Variants in TLK1 observed in about 807,000 individuals in gnomAD.
TLK1 encodes tousled like kinase 1.
In TLK1, 24 loss-of-function variants were observed where a neutral mutation model predicts 105.3. That is an observed-to-expected ratio of 0.23 (90% CI 0.17 to 0.32). TLK1 has a LOEUF of 0.32. Ranked by LOEUF, TLK1 falls within the 10% of genes least tolerant of loss-of-function variation. The probability of loss-of-function intolerance (pLI) is 1.00; values close to 1 mark genes in which losing one functional copy is unlikely to be tolerated. For synonymous variants in TLK1, 321 were observed against 310.4 expected (o/e 1.03, Z -0.36); for missense variants, 558 against 910.5 (o/e 0.61, Z 4.98).
At chr2:171,045,484 G>T in intron 11 of TLK1, 1 of 140,780 alleles carries the variant, frequency 7.1e-6, no homozygotes. Context: ...CAAAGTGCTG[G>T]GATTACAGGC....
intron 2 of TLK1, among the ~76,000 whole-genome samples, chr2:171,106,709 GCTA>G (rs138718687): frequency 0.032 from 4,854 of 152,208 alleles, 98 homozygotes; most frequent in Middle Eastern, 0.055. Context: ...AACTCTTGAT[GCTA>G]CTATCATTAA....
chr2:171,155,902 T>C (rs1193216944), intron 1 of TLK1: 1 of 152,148 alleles, frequency 6.6e-6, no homozygotes, highest in African/African-American at 2.4e-5. Flanking sequence ...TCCCTCCTAT[T>C]TATTAAAATT....
intron 3 of TLK1, among the ~76,000 whole-genome samples, chr2:171,076,871 G>A (rs1295285232): frequency 7.2e-5 from 11 of 151,852 alleles, no homozygotes; most frequent in Admixed American, 5.9e-4. Flanking sequence ...CCGAGATGGC[G>A]CCACTGCACT....
At chr2:171,036,270 C>A (rs1205453966) in intron 11 of TLK1, among the ~76,000 whole-genome samples, 1 of 152,110 alleles carries the variant, frequency 6.6e-6, no homozygotes, top group African/African-American at 2.4e-5. Flanking sequence ...CATGGTGAAA[C>A]CCTGTTTCTA....
chr2:171,149,577 G>T (rs116753696), intron 1 of TLK1, among the ~76,000 whole-genome samples: 3,714 of 152,266 alleles, frequency 0.024, 147 homozygotes, highest in African/African-American at 0.083. Context: ...TTGCAAAGGG[G>T]TGCCATTTAT....
At chr2:171,109,535 C>A (rs1410345725) in intron 2 of TLK1, among the ~76,000 whole-genome samples, 2 of 152,084 alleles carry the variant, frequency 1.3e-5, no homozygotes, top group Non-Finnish European at 2.9e-5. Context: ...AGAATCACAA[C>A]AAAATGTCAG....
chr2:171,038,224 T>C (rs1035137547), intron 11 of TLK1, among the ~76,000 whole-genome samples: 2 of 152,192 alleles, frequency 1.3e-5, no homozygotes, highest in Non-Finnish European at 2.9e-5. Flanking sequence ...TTTTTAAAAA[T>C]CAATCATATC....
At chr2:171,157,836 T>A (rs1325124244) in intron 1 of TLK1, among the ~76,000 whole-genome samples, 1 of 152,252 alleles carries the variant, frequency 6.6e-6, no homozygotes, top group Non-Finnish European at 1.5e-5. Context: ...TGTGTATCTC[T>A]TTTAAGTTTC....
At chr2:171,169,642 AG>A (rs1249174601) in intron 1 of TLK1, among the ~76,000 whole-genome samples, 1 of 152,122 alleles carries the variant, frequency 6.6e-6, no homozygotes, top group Admixed American at 6.5e-5. Context: ...TTTTGTTGTT[AG>A]CCTTTGTACT....
intron 2 of TLK1, among the ~76,000 whole-genome samples, chr2:171,090,385 T>G (rs955881238): frequency 6.6e-6 from 1 of 152,302 alleles, no homozygotes; most frequent in Admixed American, 6.5e-5. Flanking sequence ...TTAGATTCCT[T>G]GTGATTTTTC....
At position 171,160,004 on chromosome 2, in the gene TLK1, AG is replaced by A. The variant is rs1225043674; in HGVS notation, c.139+285del. Among the ~76,000 whole-genome samples the A allele has an allele frequency of 5.9e-5, 9 of 152,112 alleles. No individual in the cohort carries two copies. The highest frequency in any genetic ancestry group is 1.2e-4 in the Non-Finnish European group (8 of 67,992). ...CTGGGGGGAGGCTTCCCACCCTCGC[AG>A]GACTGGCTCCCAGGAACCCCAGGCG... On this transcript the variant is annotated intron_variant, in intron 1 of 20. Coordinates refer to ENST00000431350, the MANE Select transcript of TLK1 (RefSeq NM_012290.5). This position sits in a 1 kb window ranked among gnomAD's most constrained non-coding sequence, Gnocchi z 4.4.
chr2:171,051,215 A>C (rs2356372), intron 8 of TLK1, among the ~76,000 whole-genome samples: 1 of 152,166 alleles, frequency 6.6e-6, no homozygotes, highest in South Asian at 2.1e-4. Flanking sequence ...ATAGCCAAAA[A>C]GAAGAAGAGG....
chr2:171,141,539 C>T (rs1213140291), intron 1 of TLK1, among the ~76,000 whole-genome samples: 1 of 151,912 alleles, frequency 6.6e-6, no homozygotes, highest in Non-Finnish European at 1.5e-5. Flanking sequence ...TAAACACCCC[C>T]ACTCCAACAA....
At chr2:171,092,352 T>C (rs1402479014) in intron 2 of TLK1, among the ~76,000 whole-genome samples, 1 of 152,198 alleles carries the variant, frequency 6.6e-6, no homozygotes, top group Non-Finnish European at 1.5e-5. Flanking sequence ...CACTACATAT[T>C]TTCACTATGA....
intron 1 of TLK1, among the ~76,000 whole-genome samples, chr2:171,142,089 CT>C (rs1241929422): frequency 6.6e-6 from 1 of 151,534 alleles, no homozygotes; most frequent in Non-Finnish European, 1.5e-5. Context: ...TTATATCACA[CT>C]TTAACACAGA....
intron 11 of TLK1, among the ~76,000 whole-genome samples, chr2:171,032,719 T>C (rs1376047046): frequency 6.6e-6 from 1 of 152,040 alleles, no homozygotes; most frequent in African/African-American, 2.4e-5. Flanking sequence ...AACCCAAAAA[T>C]CTACGGCCAG....
chr2:171,121,001 A>G (rs889436150), intron 1 of TLK1, among the ~76,000 whole-genome samples: 2 of 152,174 alleles, frequency 1.3e-5, no homozygotes, highest in African/African-American at 2.4e-5. Context: ...TACAACACGG[A>G]GATCTCCGAA....
At chr2:170,999,263 A>G (rs1001934006) in intron 18 of TLK1, among the ~76,000 whole-genome samples, 2 of 152,254 alleles carry the variant, frequency 1.3e-5, no homozygotes, top group African/African-American at 4.8e-5. Context: ...ACTATGCTAA[A>G]ATCATTAAGA....
intron 3 of TLK1, among the ~76,000 whole-genome samples, chr2:171,061,984 A>G (rs1396453516): frequency 6.6e-6 from 1 of 152,204 alleles, no homozygotes; most frequent in East Asian, 1.9e-4. Flanking sequence ...ATAAAGTCGC[A>G]AGCATCTGGC....
Sources: allele counts gnomAD v4.1 joint callset (sites outside exome capture counted in the v4.1 genomes callset), GRCh38; gene constraint gnomAD v4.1.1; non-coding constraint Gnocchi (gnomAD v3.1); transcripts MANE v1.5; gene names NCBI Gene and HGNC (gene_info 2026-07-23, HGNC 2026-07-21).